NCBP2: variants seen among roughly 807,000 people sequenced by gnomAD.
NCBP2 encodes nuclear cap-binding protein subunit 2.
Under a neutral mutation model 21.5 loss-of-function variants are expected in NCBP2, and 8 were observed. The observed-to-expected ratio is 0.37, with a 90% confidence interval of 0.22 to 0.67. The LOEUF (loss-of-function observed/expected upper bound fraction) is 0.67, where lower values mean the gene tolerates loss of function less well. Ranked by LOEUF, NCBP2 falls within the 30% of genes least tolerant of loss-of-function variation. NCBP2 has a pLI of 0.56. For synonymous variants in NCBP2, 92 were observed against 75.8 expected (o/e 1.21, Z -1.11); for missense variants, 127 against 206.9 (o/e 0.61, Z 2.37).
rs370066984 is a variant in NCBP2, at chr3:196,939,446, T to G, written c.79-14A>C. 2 of 1,580,116 alleles carry G rather than the reference T, an allele frequency of 1.3e-6. No homozygotes were observed. Among genetic ancestry groups the G allele is most frequent in the Non-Finnish European group, 8.6e-7 (1 of 1,160,780 alleles). On this transcript the variant is annotated splice_polypyrimidine_tract_variant and intron_variant, in intron 1 of 3. Transcript: ENST00000321256. ...TTCATTGTCACCCTAGAATTTCAAA[T>G]AGAGACAAAAGTTAAGCAACTTCAG...
chr3:196,937,818 T>G (rs1055401880), intron 2 of NCBP2, 170 bp from the exon 3 acceptor site: 20 of 672,048 alleles, frequency 3.0e-5, no homozygotes, highest in Admixed American at 1.1e-4. Context: ...TGGAAGCACA[T>G]AGAGTCAAAT....
chr3:196,939,469 C>A (rs745791220), intron 1 of NCBP2, 37 bp from the exon 2 acceptor site: 4 of 1,426,890 alleles, frequency 2.8e-6, no homozygotes, highest in Non-Finnish European at 3.9e-6. Flanking sequence ...TAAGCAACTT[C>A]AGAGCCTTGC....
intron 3 of NCBP2, 45 bp from the exon 4 acceptor site, chr3:196,937,127 G>T (rs1269861254): frequency 6.4e-7 from 1 of 1,567,198 alleles, no homozygotes; most frequent in Non-Finnish European, 8.8e-7. Context: ...AAAGAATGGT[G>T]TAACAAATAT....
intron 2 of NCBP2, 33 bp from the exon 3 acceptor site, chr3:196,937,681 A>C: frequency 1.2e-6 from 2 of 1,609,778 alleles, no homozygotes; most frequent in Non-Finnish European, 1.7e-6. Flanking sequence ...CATTTTTCCA[A>C]ACATTTCTGG....
In NCBP2 at chr3:196,937,480, T is replaced by C. The variant is rs372910056; in HGVS notation, c.399+30A>G. ...TCATTGTGACTGGAATCCCAGGCAATGGCTGAGCCCAGAGACCCTTCTTGC... is the reference window on the plus strand; with the variant it reads ...TCATTGTGACTGGAATCCCAGGCAACGGCTGAGCCCAGAGACCCTTCTTGC... On this transcript the variant is annotated intron_variant, in intron 3 of 3. Coordinates refer to ENST00000321256, the MANE Select transcript of NCBP2 (RefSeq NM_007362.5). The C allele has an allele frequency of 1.1e-5, 18 of 1,610,888 alleles. No individual in the cohort carries two copies. The African/African-American group carries it at 1.3e-4, about 12-fold the overall frequency.
chr3:196,937,220 C>G, intron 3 of NCBP2, 138 bp from the exon 4 acceptor site: 5 of 884,236 alleles, frequency 5.7e-6, no homozygotes, highest in Middle Eastern at 2.2e-4. Context: ...ATATGCACTT[C>G]AGCTCACTTC....
intron 1 of NCBP2, chr3:196,941,536 C>T (rs933357594): frequency 4.3e-6 from 1 of 233,546 alleles, no homozygotes; most frequent in Non-Finnish European, 8.4e-6. Context: ...GGATTTTTCC[C>T]TTTTCTGAAT....
rs1372969004 is a variant in NCBP2, at chr3:196,942,130, G to A, written c.78+296C>T. 3.4e-6 allele frequency: 5 copies of A among 1,466,036 alleles called. No homozygotes were observed. The East Asian group carries it at 7.4e-5, about 22-fold the overall frequency. 90.8% of individuals were successfully genotyped at this position (1,466,036 alleles called of 1,614,324 possible). On this transcript the variant is annotated intron_variant, in intron 1 of 3. Transcript: ENST00000321256. ...TCTGCGGAGGCACAACCGTGGAAAC[G>A]GGAGCCGCCACCACCACCACCGCTC...
chr3:196,937,344 T>A (rs1716311723), intron 3 of NCBP2, 166 bp downstream of exon 3: 14 of 989,534 alleles, frequency 1.4e-5, no homozygotes, highest in African/African-American at 1.2e-4. Context: ...TTTCACGGTT[T>A]AAAAAAAAAA....
Position 196,937,648 on chromosome 3 carries a change from T to G in NCBP2, c.261A>C (p.Glu87Asp), listed in dbSNP as rs765642228. The G allele has an allele frequency of 1.2e-6, 2 of 1,613,962 alleles. No homozygotes were observed. Among genetic ancestry groups the G allele is most frequent in the African/African-American group, 1.3e-5 (1 of 75,058 alleles). ...TTTCCGCATCTGCGCGTGAGTAATATCTTAAGTATTAAGGAACACTAGCAT... is the reference window on the plus strand; with the variant it reads ...TTTCCGCATCTGCGCGTGAGTAATAGCTTAAGTATTAAGGAACACTAGCAT... ...KKTACGFCFV[E>D]YYSRADAENA... Residue 87 changes from glutamate to aspartate, a missense_variant and splice_region_variant, in exon 3 of 4, where the codon GAA (glutamate) becomes GAC (aspartate). By Grantham distance (45) the Glu-to-Asp change is conservative. Coordinates refer to ENST00000321256, the MANE Select transcript of NCBP2 (RefSeq NM_007362.5).
At chr3:196,937,940 C>T in intron 2 of NCBP2, 1 of 357,888 alleles carries the variant, frequency 2.8e-6, no homozygotes, top group Non-Finnish European at 5.3e-6. Context: ...CTGTACACTT[C>T]TTATCCAAGA....
rs138691748 is a variant in NCBP2, at chr3:196,941,780, T to C, written c.78+646A>G. On this transcript the variant is annotated intron_variant, in intron 1 of 3. Transcript: ENST00000321256. ...TTTTTCCACAAAATATACTGTGATA[T>C]AGTCCGGACTAAAAATTTCCCTCTT... 1.7e-3 allele frequency: 1,405 copies of C among 817,846 alleles called. 10 individuals carry two copies. Among genetic ancestry groups the C allele is most frequent in the East Asian group, 6.5e-3 (242 of 37,456 alleles). The allele number at this position is 817,846 out of a possible 1,614,324, so 50.7% of individuals were successfully genotyped here.
At position 196,942,468 on chromosome 3, in the gene NCBP2, G is replaced by A; in HGVS notation, c.36C>T (p.Asp12=). 1.2e-6 allele frequency: 2 copies of A among 1,613,366 alleles called. No individual in the cohort carries two copies. The highest frequency in any genetic ancestry group is 1.7e-6 in the Non-Finnish European group (2 of 1,179,972). Residue 12 remains aspartate, a synonymous_variant, in exon 1 of 4, where the codon GAC becomes GAT. Transcript: ENST00000321256. Reference sequence around the variant, plus strand: ...GGTACTGGCTCAGCTCCACGTAGGAGTCGCTGCGCAGCGCCTTCAGGAGGC... The same window carrying A: ...GGTACTGGCTCAGCTCCACGTAGGAATCGCTGCGCAGCGCCTTCAGGAGGC... The part of the protein sequence containing the change: ...SGGLLKALRS[D]SYVELSQYRD...
Position 196,937,590 on chromosome 3 carries a change from C to A in NCBP2, c.319G>T (p.Asp107Tyr). 6.2e-7 allele frequency: 1 copy of A among 1,614,240 alleles called. No individual in the cohort carries two copies. ...AMRYINGTRL[D>Y]DRIIRTDWDA... ...CAGTCTGTGCGAATGATTCGGTCAT[C>A]CAGACGCGTCCCATTTATGTACCGC... Residue 107 changes from aspartate (D) to tyrosine (Y), a missense_variant, in exon 3 of 4, where the codon GAT (aspartate) becomes TAT (tyrosine). Transcript: ENST00000321256.
rs1029511129 is a variant in NCBP2 at position 196,942,025 on chromosome 3, A to T, written c.78+401T>A. The stretch of plus-strand genomic sequence containing the variant: ...CGCCGATTTAAAAAACAAAGCAAAA[A>T]GCCCCGCATCTGCATCAGGAAGGCG... On this transcript the variant is annotated intron_variant, in intron 1 of 3. Coordinates refer to ENST00000321256, the MANE Select transcript of NCBP2 (RefSeq NM_007362.5). The T allele has an allele frequency of 2.0e-6, 3 of 1,535,814 alleles. No homozygotes were observed. The African/African-American group carries it at 4.1e-5, about 21-fold the overall frequency.
Position 196,937,681 on chromosome 3 carries a change from A to G in NCBP2, c.261-33T>C, listed in dbSNP as rs758284010. 3 of 1,609,660 alleles carry G rather than the reference A, an allele frequency of 1.9e-6. No individual in the cohort carries two copies. The Admixed American group carries it at 5.0e-5, about 27-fold the overall frequency. ...ATTAAGGAACACTAGCATTTTTCCA[A>G]ACATTTCTGGAAATAGGGGAACAAC... On this transcript the variant is annotated intron_variant, in intron 2 of 3. Coordinates refer to ENST00000321256, the MANE Select transcript of NCBP2 (RefSeq NM_007362.5).
In NCBP2 at chr3:196,939,436, G is replaced by T; in HGVS notation, c.79-4C>A. On this transcript the variant is annotated splice_region_variant and splice_polypyrimidine_tract_variant and intron_variant, in intron 1 of 3. Coordinates refer to ENST00000321256, the MANE Select transcript of NCBP2 (RefSeq NM_007362.5). The stretch of plus-strand genomic sequence containing the variant: ...TTTCTTGTTCTTCATTGTCACCCTA[G>T]AATTTCAAATAGAGACAAAAGTTAA... 6.3e-7 allele frequency: 1 copy of T among 1,592,828 alleles called. No individual in the cohort carries two copies. The highest frequency in any genetic ancestry group is 8.6e-7 in the Non-Finnish European group (1 of 1,168,930).
At position 196,936,865 on chromosome 3, in the gene NCBP2, C is replaced by T. The variant is rs143336711; in HGVS notation, c.*146G>A. Reference sequence around the variant, plus strand: ...TAAAGGCATTCTTTTGGATTCTGTCCTTTAATAACTTTCAGAGGCTTCCAG... The same window carrying T: ...TAAAGGCATTCTTTTGGATTCTGTCTTTTAATAACTTTCAGAGGCTTCCAG... On this transcript the variant is annotated 3_prime_UTR_variant, in exon 4 of 4. Transcript: ENST00000321256. 29 of 708,038 alleles carry T rather than the reference C, an allele frequency of 4.1e-5. No homozygotes were observed. The East Asian group carries it at 6.7e-4, about 16-fold the overall frequency. The allele number at this position is 708,038 out of a possible 1,614,324, so 43.9% of individuals were successfully genotyped here.
At chr3:196,939,500 C>T (rs1279004945) in intron 1 of NCBP2, 68 bp from the exon 2 acceptor site, 3 of 1,133,642 alleles carry the variant, frequency 2.6e-6, no homozygotes, top group Admixed American at 2.7e-5. Flanking sequence ...TTTCTAAGTA[C>T]GGTAGAGACA....
Sources: allele counts gnomAD v4.1 joint callset, GRCh38; gene constraint gnomAD v4.1.1; transcripts MANE v1.5; gene names NCBI Gene and HGNC (gene_info 2026-07-23, HGNC 2026-07-21).